KLHL32: variants seen among roughly 807,000 people sequenced by gnomAD.
KLHL32 encodes the protein kelch-like protein 32.
KLHL32 carries 35 observed loss-of-function variants against 64.8 expected under a neutral mutation model. The ratio of observed to expected loss-of-function variants is 0.54; its 90% CI spans 0.41 to 0.72. The LOEUF (loss-of-function observed/expected upper bound fraction) is 0.72, where lower values mean the gene tolerates loss of function less well. KLHL32 is among the 30% of genes least tolerant of loss of function. The probability of loss-of-function intolerance (pLI) is 0.00; values close to 1 mark genes in which losing one functional copy is unlikely to be tolerated. For missense variants in KLHL32, 589 were observed against 768.5 expected (o/e 0.77, Z 2.76); for synonymous variants, 259 against 281.0 (o/e 0.92, Z 0.78).
chr6:97,079,381 G>A (rs1239790212), intron 5 of KLHL32, among the ~76,000 whole-genome samples: 1 of 152,088 alleles, frequency 6.6e-6, no homozygotes, highest in Non-Finnish European at 1.5e-5. Context: ...TCCTCAAACT[G>A]CCCTCCTTCC....
At chr6:96,986,847 C>T (rs1374852683) in intron 3 of KLHL32, among the ~76,000 whole-genome samples, 1 of 151,858 alleles carries the variant, frequency 6.6e-6, no homozygotes, top group African/African-American at 2.4e-5. Flanking sequence ...CGCCCTGCTT[C>T]AGCTCATGCT....
intron 5 of KLHL32, among the ~76,000 whole-genome samples, chr6:97,079,068 C>T (rs183661382): frequency 3.2e-4 from 49 of 152,242 alleles, no homozygotes; most frequent in South Asian, 1.7e-3. Context: ...AGACTCTAGG[C>T]ATAAGGCTGC....
chr6:97,128,487 G>C lies in KLHL32; in HGVS notation c.1413+1025G>C, dbSNP rs534113982. Among the ~76,000 whole-genome samples the C allele has an allele frequency of 2.6e-5, 4 of 152,292 alleles. No homozygotes were observed. The South Asian group carries it at 8.3e-4, about 32-fold the overall frequency. On this transcript the variant is annotated intron_variant, in intron 8 of 10. Coordinates refer to ENST00000369261, the MANE Select transcript of KLHL32 (RefSeq NM_052904.4). ...TTCTGTTTCATGTTTGTACACACAT[G>C]CTCTTTTAAAAAATTCTGCTGGCAT...
chr6:97,137,402 T>C lies in KLHL32; in HGVS notation c.1702-1719T>C, dbSNP rs2128225584. On this transcript the variant is annotated intron_variant, in intron 10 of 10. Coordinates refer to ENST00000369261, the MANE Select transcript of KLHL32 (RefSeq NM_052904.4). ...CAGGGTATATTGTTCAATAAAGAGATTGGGACATCTAATCTCCACTTGTTT... is the reference window on the plus strand; with the variant it reads ...CAGGGTATATTGTTCAATAAAGAGACTGGGACATCTAATCTCCACTTGTTT... Among the ~76,000 whole-genome samples, 2 of 152,330 alleles carry C rather than the reference T, an allele frequency of 1.3e-5. 1 individual carries two copies. The highest frequency in any genetic ancestry group is 1.3e-4 in the Admixed American group (2 of 15,306).
chr6:96,932,743 AT>A (rs1355082145), intron 1 of KLHL32, among the ~76,000 whole-genome samples: 4 of 151,674 alleles, frequency 2.6e-5, no homozygotes, highest in Non-Finnish European at 2.9e-5. Context: ...ATTTTTAAAA[AT>A]TTTTTTGTAG....
At chr6:97,052,409 T>G (rs1787076822) in intron 4 of KLHL32, among the ~76,000 whole-genome samples, 1 of 152,258 alleles carries the variant, frequency 6.6e-6, no homozygotes, top group South Asian at 2.1e-4. Context: ...GTCTTCTCTT[T>G]GTTTTTATGG....
intron 1 of KLHL32, among the ~76,000 whole-genome samples, chr6:96,942,304 G>A (rs1024580046): frequency 1.1e-4 from 16 of 152,036 alleles, no homozygotes; most frequent in East Asian, 3.9e-4. Flanking sequence ...CTGCCACCTC[G>A]CACCTGCCAG....
chr6:97,001,592 C>T (rs13437625), intron 3 of KLHL32, among the ~76,000 whole-genome samples: 37,262 of 151,970 alleles, frequency 0.25, 5,899 homozygotes, highest in East Asian at 0.53. Context: ...CTCAGCCTCA[C>T]GAGTAGTTGA....
At chr6:97,013,966 T>C (rs1256143242) in intron 3 of KLHL32, among the ~76,000 whole-genome samples, 1 of 152,178 alleles carries the variant, frequency 6.6e-6, no homozygotes. Context: ...AAGTAGGGGT[T>C]TGTGCACCCC....
chr6:96,964,514 G>T (rs777527699), intron 1 of KLHL32, among the ~76,000 whole-genome samples: 3 of 152,136 alleles, frequency 2.0e-5, no homozygotes, highest in Non-Finnish European at 4.4e-5. Flanking sequence ...TTAGCAGGGC[G>T]TGTTGGCCGG....
chr6:97,024,281 A>G (rs1266576573), intron 3 of KLHL32, among the ~76,000 whole-genome samples: 2 of 152,348 alleles, frequency 1.3e-5, no homozygotes, highest in African/African-American at 2.4e-5. Flanking sequence ...CTGGCTGACT[A>G]TGAGCAGCCA....
intron 3 of KLHL32, chr6:97,025,057 T>A: frequency 1.0e-6 from 1 of 985,200 alleles, no homozygotes; most frequent in Middle Eastern, 5.2e-4. Context: ...ATAAAGCTGA[T>A]GGAATTTTTA....
At chr6:97,012,233 A>AG (rs1780502840) in intron 3 of KLHL32, among the ~76,000 whole-genome samples, 1 of 152,214 alleles carries the variant, frequency 6.6e-6, no homozygotes, top group Non-Finnish European at 1.5e-5. Flanking sequence ...GTAATAATGA[A>AG]GTGATGGACC....
chr6:97,003,232 AT>A (rs1234559242), intron 3 of KLHL32, among the ~76,000 whole-genome samples: 15 of 152,076 alleles, frequency 9.9e-5, no homozygotes, highest in African/African-American at 3.4e-4. Context: ...TTTGATTTCC[AT>A]TTCTCAAATG....
chr6:97,007,068 A>C (rs1380938008), intron 3 of KLHL32, among the ~76,000 whole-genome samples: 1 of 152,102 alleles, frequency 6.6e-6, no homozygotes, highest in Non-Finnish European at 1.5e-5. Context: ...TTCATGAAAG[A>C]TATCTTTAAA....
At chr6:96,955,246 T>G (rs902248332) in intron 1 of KLHL32, among the ~76,000 whole-genome samples, 2 of 152,186 alleles carry the variant, frequency 1.3e-5, no homozygotes, top group African/African-American at 4.8e-5. Context: ...CTCATACCAT[T>G]GGTTCCTGAG....
intron 7 of KLHL32, among the ~76,000 whole-genome samples, chr6:97,123,218 G>A (rs1036723188): frequency 2.0e-5 from 3 of 152,176 alleles, no homozygotes; most frequent in Non-Finnish European, 4.4e-5. Context: ...AGCACTGCCG[G>A]CATTGACCAG....
chr6:96,992,839 G>T (rs1031710589), intron 3 of KLHL32, among the ~76,000 whole-genome samples: 1 of 152,210 alleles, frequency 6.6e-6, no homozygotes. Flanking sequence ...TTTGCCCAGG[G>T]ACTGCCAGAT....
chr6:96,943,125 C>T (rs563222829), intron 1 of KLHL32, among the ~76,000 whole-genome samples: 5 of 150,566 alleles, frequency 3.3e-5, no homozygotes, highest in African/African-American at 9.8e-5. Context: ...CACATACCAG[C>T]ATATAGACAC....
Sources: gnomAD v4.1 joint callset for allele counts (sites outside exome capture counted in the v4.1 genomes callset) on GRCh38, gnomAD v4.1.1 for gene constraint, MANE v1.5 for transcripts, NCBI Gene and HGNC (gene_info 2026-07-23, HGNC 2026-07-21) for gene names.